The following PPP1R9A variants were observed in gnomAD, a reference collection of about 807,000 sequenced individuals.
The protein encoded by PPP1R9A is protein phosphatase 1 regulatory subunit 9A.
Under a neutral mutation model 141.9 loss-of-function variants are expected in PPP1R9A, and 59 were observed. That is an observed-to-expected ratio of 0.42 (90% CI 0.34 to 0.52). PPP1R9A has a LOEUF of 0.52. Ranked by LOEUF, PPP1R9A falls within the 20% of genes least tolerant of loss-of-function variation. PPP1R9A has a pLI of 0.10. For synonymous variants in PPP1R9A, 500 were observed against 569.7 expected, an observed-to-expected ratio of 0.88 and a Z score of 1.74; for missense variants, 1,444 against 1,611.9, an observed-to-expected ratio of 0.90 and a Z score of 1.78.
chr7:94,995,531 A>C (rs921764730), intron 2 of PPP1R9A, among the ~76,000 whole-genome samples: 1 of 151,550 alleles, frequency 6.6e-6, no homozygotes, highest in Admixed American at 6.6e-5. Flanking sequence ...CATTTTGGAT[A>C]GTTTCCATTA....
intron 7 of PPP1R9A, among the ~76,000 whole-genome samples, chr7:95,221,712 G>A (rs1182539154): frequency 6.6e-6 from 1 of 152,008 alleles, no homozygotes; most frequent in Non-Finnish European, 1.5e-5. Context: ...GTATGAGAAG[G>A]AAATATAAAA....
Position 95,250,045 on chromosome 7 carries a change from A to G in PPP1R9A, c.2186A>G (p.Glu729Gly). 6.2e-7 allele frequency: 1 copy of G among 1,605,674 alleles called. No homozygotes were observed. Among genetic ancestry groups the G allele is most frequent in the Non-Finnish European group, 8.5e-7 (1 of 1,177,284 alleles). ...CTCCAGCTGCAGGCAGCAGAAAATGAGAAAGTGAGGTGGGAACTAGAAAAA... is the reference window on the plus strand; with the variant it reads ...CTCCAGCTGCAGGCAGCAGAAAATGGGAAAGTGAGGTGGGAACTAGAAAAA... ...LKTKLQAAEN[E>G]KVRWELEKTQ... is the part of the protein sequence containing the mutation. Residue 729 changes from glutamate (E) to glycine (G), a missense_variant, in exon 10 of 20, where the codon GAG becomes GGG. Physicochemically the swap from Glu to Gly is moderately conservative, Grantham distance 98. Around this residue, in one of 5 missense-constraint regions of PPP1R9A, gnomAD observed 488 missense variants for 542.0 expected, o/e 0.90. Coordinates refer to ENST00000433360, the MANE Select transcript of PPP1R9A (RefSeq NM_001166160.2).
intron 2 of PPP1R9A, among the ~76,000 whole-genome samples, chr7:95,075,085 C>T (rs551530696): frequency 1.3e-5 from 2 of 152,102 alleles, no homozygotes; most frequent in Non-Finnish European, 2.9e-5. Context: ...TGTAAAATAA[C>T]CATTAGCTAG....
chr7:95,017,130 T>C (rs1038339500), intron 2 of PPP1R9A, among the ~76,000 whole-genome samples: 54 of 152,206 alleles, frequency 3.5e-4, no homozygotes, highest in African/African-American at 1.3e-3. Context: ...CCTAGAGGCT[T>C]TGGAGGGAGC....
At chr7:94,915,056 T>C (rs1404959542) in intron 2 of PPP1R9A, among the ~76,000 whole-genome samples, 1 of 152,220 alleles carries the variant, frequency 6.6e-6, no homozygotes, top group African/African-American at 2.4e-5. Flanking sequence ...TGAAACAGCA[T>C]ATCTGAAAAA....
At chr7:95,194,436 T>C (rs1835936171) in intron 5 of PPP1R9A, among the ~76,000 whole-genome samples, 1 of 152,064 alleles carries the variant, frequency 6.6e-6, no homozygotes, top group Admixed American at 6.6e-5. Flanking sequence ...CCCCTTCTTT[T>C]TAATATATGT....
At chr7:95,278,240 G>A (rs1410461508) in intron 16 of PPP1R9A, among the ~76,000 whole-genome samples, 1 of 152,136 alleles carries the variant, frequency 6.6e-6, no homozygotes, top group Non-Finnish European at 1.5e-5. Flanking sequence ...TGTCCAGTAT[G>A]GTTGCCTCTA....
chr7:94,969,651 A>G lies in PPP1R9A; in HGVS notation c.1395+58143A>G, dbSNP rs1425705622. On this transcript the variant is annotated intron_variant, in intron 2 of 19. Coordinates refer to ENST00000433360, the MANE Select transcript of PPP1R9A (RefSeq NM_001166160.2). ...GCAACGCACTTGAGGAGGCAATCTG[A>G]TGCTTAGCAGAGCTTAAGCACTGTG... Among the ~76,000 whole-genome samples, 3 of 152,134 alleles carry G rather than the reference A, an allele frequency of 2.0e-5. No individual in the cohort carries two copies. In the South Asian group the frequency reaches 6.2e-4, roughly 32 times the overall value.
At chr7:95,141,340 C>A (rs1244247098) in intron 4 of PPP1R9A, among the ~76,000 whole-genome samples, 1 of 151,932 alleles carries the variant, frequency 6.6e-6, no homozygotes, top group African/African-American at 2.4e-5. Context: ...TTTTTTACAC[C>A]TTTATTGATA....
At chr7:94,970,632 C>CTTTT (rs565331782) in intron 2 of PPP1R9A, among the ~76,000 whole-genome samples, 7 of 127,704 alleles carry the variant, frequency 5.5e-5, no homozygotes, top group South Asian at 2.5e-4. Flanking sequence ...TGCCAGCCAC[C>CTTTT]TTTTTTTTTT....
chr7:95,016,616 G>A (rs1178645464), intron 2 of PPP1R9A, among the ~76,000 whole-genome samples: 1 of 152,090 alleles, frequency 6.6e-6, no homozygotes, highest in African/African-American at 2.4e-5. Context: ...TTTGGTAGAT[G>A]CATTTAAGGC....
intron 7 of PPP1R9A, among the ~76,000 whole-genome samples, chr7:95,210,568 C>T (rs771641494): frequency 6.6e-6 from 1 of 151,936 alleles, no homozygotes; most frequent in African/African-American, 2.4e-5. Flanking sequence ...CCGGTTCAAG[C>T]GATTCTCCTG....
intron 2 of PPP1R9A, among the ~76,000 whole-genome samples, chr7:95,045,649 G>A (rs1179107321): frequency 6.6e-6 from 1 of 152,172 alleles, no homozygotes; most frequent in African/African-American, 2.4e-5. Context: ...CCTCTTTTTG[G>A]CGCCTGTGAC....
intron 13 of PPP1R9A, 90 bp downstream of exon 13, chr7:95,268,797 A>C: frequency 6.8e-7 from 1 of 1,468,668 alleles, no homozygotes; most frequent in Non-Finnish European, 9.2e-7. Flanking sequence ...TTCTGCAAAC[A>C]GAGTCTATGT....
intron 8 of PPP1R9A, among the ~76,000 whole-genome samples, chr7:95,235,765 G>C (rs944655040): frequency 1.3e-5 from 2 of 152,120 alleles, no homozygotes; most frequent in African/African-American, 4.8e-5. Context: ...CAATCAATAA[G>C]TGGATAAAGA....
chr7:94,919,054 C>T lies in PPP1R9A; in HGVS notation c.1395+7546C>T, dbSNP rs188866103. Among the ~76,000 whole-genome samples the T allele has an allele frequency of 2.6e-5, 4 of 152,290 alleles. No individual in the cohort carries two copies. The East Asian group carries it at 5.8e-4, about 22-fold the overall frequency. ...AGAGGATGGCTGAACAACTCCCTTG[C>T]GTGGGACACCGCACTTCTCTTAATG... On this transcript the variant is annotated intron_variant, in intron 2 of 19. Transcript: ENST00000433360.
At chr7:95,181,416 A>T (rs1327559112) in intron 5 of PPP1R9A, among the ~76,000 whole-genome samples, 1 of 137,076 alleles carries the variant, frequency 7.3e-6, no homozygotes, top group Non-Finnish European at 1.5e-5. Flanking sequence ...CATCATATAT[A>T]TAGAATATAG....
chr7:94,982,610 G>A (rs1159123888), intron 2 of PPP1R9A, among the ~76,000 whole-genome samples: 1 of 152,200 alleles, frequency 6.6e-6, no homozygotes, highest in African/African-American at 2.4e-5. Flanking sequence ...TCTGTTGGCT[G>A]CATAAATGTC....
chr7:95,072,191 A>T (rs1257944992), intron 2 of PPP1R9A, among the ~76,000 whole-genome samples: 1 of 148,226 alleles, frequency 6.7e-6, no homozygotes, highest in Admixed American at 6.8e-5. Context: ...TGTTCTTTTT[A>T]TTTTCTTATT....
Sources: allele counts gnomAD v4.1 joint callset (sites outside exome capture counted in the v4.1 genomes callset), GRCh38; gene constraint gnomAD v4.1.1; regional missense constraint gnomAD v4.1.1; transcripts MANE v1.5; gene names NCBI Gene and HGNC (gene_info 2026-07-23, HGNC 2026-07-21).